Variants in CDC25B observed in about 807,000 individuals in gnomAD.
CDC25B encodes the protein cell division cycle 25B.
A neutral mutation model predicts 69.8 loss-of-function variants in CDC25B; 33 were observed. The ratio of observed to expected loss-of-function variants is 0.47; its 90% CI spans 0.36 to 0.63. CDC25B has a LOEUF of 0.63. Ranked by LOEUF, CDC25B falls within the 30% of genes least tolerant of loss-of-function variation. The pLI is 0.00. For synonymous variants in CDC25B, 341 were observed against 314.6 expected (o/e 1.08, Z -0.89); for missense variants, 727 against 809.1 (o/e 0.90, Z 1.23).
rs35316200 is a variant in CDC25B, at chr20:3,799,525, T to TGCGCGC, written c.381-755_381-750dup. 2.5e-3 allele frequency among the ~76,000 whole-genome samples: 172 copies of TGCGCGC among 68,756 alleles called. No homozygotes were observed. In the Middle Eastern group the frequency reaches 0.031, roughly 12 times the overall value. The allele number at this position is 68,756 out of a possible 152,430, so 45.1% of individuals were successfully genotyped here. A position where few individuals can be genotyped will look rare whatever the true frequency, so the allele number is the denominator to read the frequency against. ...GTGTGTGTGTGTGTGTGTGTGTGTG[T>TGCGCGC]GCGCGCGCGCGCGTAGATGCACAAA... On this transcript the variant is annotated intron_variant, in intron 3 of 15. Transcript: ENST00000245960.
Position 3,804,561 on chromosome 20 carries a change from C to A in CDC25B, c.1491-8C>A, listed in dbSNP as rs573174552. ...CACTCTGACCACACCCTGCCCATGA[C>A]GCCCCAGGTGCCGTTTCATCAGGGA... On this transcript the variant is annotated splice_region_variant and splice_polypyrimidine_tract_variant and intron_variant, in intron 14 of 15. Coordinates refer to ENST00000245960, the MANE Select transcript of CDC25B (RefSeq NM_021873.4). 3 of 1,594,502 alleles carry A rather than the reference C, an allele frequency of 1.9e-6. No individual in the cohort carries two copies. The highest frequency in any genetic ancestry group is 2.6e-6 in the Non-Finnish European group (3 of 1,162,364).
chr20:3,801,558 GGCTGGT>G (rs2089284228), intron 8 of CDC25B, 158 bp from the exon 9 acceptor site: 1 of 1,066,400 alleles, frequency 9.4e-7, no homozygotes, highest in African/African-American at 1.6e-5. Flanking sequence ...AAGAACAGGT[GGCTGGT>G]GCCACAGTGG....
chr20:3,803,552 CGCCCAGCCAGCTAGTGTCT>C lies in CDC25B; in HGVS notation c.1490+20_1490+38del. Reference sequence around the variant, plus strand: ...GGGCCCCGCATGTGAGTCCCAGCTCCGCCCAGCCAGCTAGTGTCTGCCCTGGCCTTCCCTGCCCAGGCTC... The same window carrying C: ...GGGCCCCGCATGTGAGTCCCAGCTCCGCCCTGGCCTTCCCTGCCCAGGCTC... On this transcript the variant is annotated intron_variant, in intron 14 of 15. Transcript: ENST00000245960. The surrounding 1 kb of genome is among the most constrained non-coding windows in gnomAD (Gnocchi z 4.9). The C allele has an allele frequency of 6.2e-7, 1 of 1,613,762 alleles. No homozygotes were observed. The highest frequency in any genetic ancestry group is 8.5e-7 in the Non-Finnish European group (1 of 1,179,964).
chr20:3,796,363 C>T lies in CDC25B; in HGVS notation c.-169C>T. 1 of 1,287,506 alleles carries T rather than the reference C, an allele frequency of 7.8e-7. No homozygotes were observed. Among genetic ancestry groups the T allele is most frequent in the Non-Finnish European group, 9.8e-7 (1 of 1,017,002 alleles). The allele number at this position is 1,287,506 out of a possible 1,614,324, so 79.8% of individuals were successfully genotyped here. A position where few individuals can be genotyped will look rare whatever the true frequency, so the allele number is the denominator to read the frequency against. Reference sequence around the variant, plus strand: ...CGGCGTCCCTCGCCCCCCGCCCTCCCCGCATCCCTCTCCTCCCTCGCGCCT... The same window carrying T: ...CGGCGTCCCTCGCCCCCCGCCCTCCTCGCATCCCTCTCCTCCCTCGCGCCT... On this transcript the variant is annotated 5_prime_UTR_variant, in exon 1 of 16. Transcript: ENST00000245960.
At chr20:3,796,786 T>C in intron 1 of CDC25B, 55 bp downstream of exon 1, 2 of 1,507,224 alleles carry the variant, frequency 1.3e-6, no homozygotes, top group South Asian at 2.5e-5. Context: ...TCTGGAGTCC[T>C]GGGCCTCCTG....
chr20:3,796,236 C>T (rs892236097), upstream of CDC25B: 2 of 1,300,312 alleles, frequency 1.5e-6, no homozygotes, highest in African/African-American at 1.6e-5. Context: ...CCCGCTACCC[C>T]ATTGGTGGCG....
chr20:3,793,919 G>T (rs1236677000), upstream of CDC25B, among the ~76,000 whole-genome samples: 6 of 150,552 alleles, frequency 4.0e-5, no homozygotes, highest in Non-Finnish European at 7.4e-5. Context: ...CCCTACAAAG[G>T]ACATGAACTC....
At position 3,800,280 on chromosome 20, in the gene CDC25B, T is replaced by A. The variant is rs1270636615; in HGVS notation, c.381-8T>A. ...GCATGGGTTGCATGGGACCCTTCTC[T>A]GTCCTAGGTTTGAACAGGCCATCCA... On this transcript the variant is annotated splice_region_variant and splice_polypyrimidine_tract_variant and intron_variant, in intron 3 of 15. Coordinates refer to ENST00000245960, the MANE Select transcript of CDC25B (RefSeq NM_021873.4). 8 of 1,614,006 alleles carry A rather than the reference T, an allele frequency of 5.0e-6. No homozygotes were observed. The highest frequency in any genetic ancestry group is 1.7e-4 in the Middle Eastern group (1 of 6,060).
At chr20:3,787,139 G>A (rs2088839263) in exon 1 of CDC25B, 3 of 666,852 alleles carry the variant, frequency 4.5e-6, no homozygotes, top group East Asian at 2.8e-5. Flanking sequence ...GAGATGCACA[G>A]GTAACATTTT....
At position 3,786,951 on chromosome 20, in the gene CDC25B, G is replaced by C; in HGVS notation, c.-181G>C. 9 of 475,522 alleles carry C rather than the reference G, an allele frequency of 1.9e-5. No individual in the cohort carries two copies. In the South Asian group the frequency reaches 2.5e-4, roughly 13 times the overall value. 29.5% of individuals were successfully genotyped at this position (475,522 alleles called of 1,614,324 possible). A position where few individuals can be genotyped will look rare whatever the true frequency, so the allele number is the denominator to read the frequency against. ...CCGGCGACCCGGCAGCGACGCGGGCGGGGACGCGGTGCATCGCTACTGCGC... is the reference window on the plus strand; with the variant it reads ...CCGGCGACCCGGCAGCGACGCGGGCCGGGACGCGGTGCATCGCTACTGCGC... On this transcript the variant is annotated 5_prime_UTR_variant, in exon 1 of 16. Transcript: ENST00000344256.
chr20:3,792,497 T>C (rs1178366578), upstream of CDC25B, among the ~76,000 whole-genome samples: 3 of 152,070 alleles, frequency 2.0e-5, no homozygotes, highest in Non-Finnish European at 4.4e-5. Flanking sequence ...GACGGAGTCT[T>C]GCTCTTTTCG....
At position 3,800,225 on chromosome 20, in the gene CDC25B, G is replaced by T. The variant is rs566971823; in HGVS notation, c.381-63G>T. On this transcript the variant is annotated intron_variant, in intron 3 of 15. Coordinates refer to ENST00000245960, the MANE Select transcript of CDC25B (RefSeq NM_021873.4). ...TACTCCCCCCTGGACTGGGGGCCTG[G>T]TGCTGGGGTGGGTGATGGGTGCGGA... The T allele has an allele frequency of 1.4e-4, 215 of 1,541,310 alleles. No individual in the cohort carries two copies. In the South Asian group the frequency reaches 2.3e-3, roughly 16 times the overall value.
intron 3 of CDC25B, among the ~76,000 whole-genome samples, chr20:3,798,991 T>C (rs2089167131): frequency 6.6e-6 from 1 of 152,126 alleles, no homozygotes; most frequent in Non-Finnish European, 1.5e-5. Context: ...TGCAAGGGAA[T>C]GGAGAGAGAG....
At chr20:3,799,652 G>A (rs1406922249) in intron 3 of CDC25B, among the ~76,000 whole-genome samples, 5 of 152,200 alleles carry the variant, frequency 3.3e-5, no homozygotes, top group African/African-American at 1.2e-4. Flanking sequence ...TTCTAAGGCA[G>A]GAGGAGGGGG....
chr20:3,803,450 T>C lies in CDC25B; in HGVS notation c.1403T>C (p.Leu468Pro). Residue 468 changes from leucine to proline, a missense_variant, in exon 14 of 16, where the codon CTG (leucine) becomes CCG (proline). This residue lies in a region of CDC25B where 359 missense variants were observed against 463.4 expected (regional missense o/e 0.77). Transcript: ENST00000245960. The surrounding 1 kb of genome is among the most constrained non-coding windows in gnomAD (Gnocchi z 4.9). ...PLERDAESFL[L>P]KSPIAPCSLD... ...GAACGCGACGCCGAGAGCTTCCTAC[T>C]GAAGAGCCCCATCGCGCCCTGTAGC... The C allele has an allele frequency of 1.2e-6, 2 of 1,614,046 alleles. No individual in the cohort carries two copies. Among genetic ancestry groups the C allele is most frequent in the Non-Finnish European group, 1.7e-6 (2 of 1,179,960 alleles).
chr20:3,802,015 G>C lies in CDC25B; in HGVS notation c.1013G>C (p.Arg338Pro). 4 of 1,596,314 alleles carry C rather than the reference G, an allele frequency of 2.5e-6. No homozygotes were observed. The highest frequency in any genetic ancestry group is 3.4e-6 in the Non-Finnish European group (4 of 1,171,960). Residue 338 changes from arginine to proline, a missense_variant, in exon 10 of 16, where the codon CGG (arginine) becomes CCG (proline). Coordinates refer to ENST00000245960, the MANE Select transcript of CDC25B (RefSeq NM_021873.4). ...CGGCCCATCCTCAAGAGGCTGGAGC[G>C]GCCCCAGGACAGGGACACGCCCGTG... ...VIRPILKRLE[R>P]PQDRDTPVQN...
At position 3,797,748 on chromosome 20, in the gene CDC25B, A is replaced by G. The variant is rs781555090; in HGVS notation, c.327A>G (p.Ala109=). The change falls in exon 2 of 16, where the codon GCA becomes GCG. Residue 109 remains alanine, a splice_region_variant and synonymous_variant. Coordinates refer to ENST00000245960, the MANE Select transcript of CDC25B (RefSeq NM_021873.4). ...CTGAATCCTCCGAATCTTCTGATGC[A>G]GGTGAGGCCCAGGGGAGCCTGGGGA... ...LSSESSESSD[A]GLCMDSPSPM... is the part of the protein sequence containing the mutation. 91 of 1,613,754 alleles carry G rather than the reference A, an allele frequency of 5.6e-5. No individual in the cohort carries two copies. The highest frequency in any genetic ancestry group is 7.6e-5 in the Non-Finnish European group (90 of 1,180,010).
Position 3,805,890 on chromosome 20 carries a change from A to G in CDC25B, c.*929A>G. 1 of 403,686 alleles carries G rather than the reference A, an allele frequency of 2.5e-6. No homozygotes were observed. Among genetic ancestry groups the G allele is most frequent in the Non-Finnish European group, 4.4e-6 (1 of 227,730 alleles). The allele number at this position is 403,686 out of a possible 1,614,324, so 25.0% of individuals were successfully genotyped here. A position where few individuals can be genotyped will look rare whatever the true frequency, so the allele number is the denominator to read the frequency against. On this transcript the variant is annotated 3_prime_UTR_variant, in exon 16 of 16. Coordinates refer to ENST00000245960, the MANE Select transcript of CDC25B (RefSeq NM_021873.4). ...ACCAGGTGGGAGCGTTTTGTTGAGC[A>G]TGACAGCCTGCAGCAGGAATATATG...
intron 7 of CDC25B, 47 bp from the exon 8 acceptor site, chr20:3,801,207 G>A (rs1476356776): frequency 8.1e-6 from 13 of 1,605,142 alleles, no homozygotes; most frequent in African/African-American, 1.3e-5. Flanking sequence ...GATGGGGGCG[G>A]GAACTATCTC....
Sources: allele counts gnomAD v4.1 joint callset (sites outside exome capture counted in the v4.1 genomes callset), GRCh38; gene constraint gnomAD v4.1.1; regional missense constraint gnomAD v4.1.1; non-coding constraint Gnocchi (gnomAD v3.1); transcripts MANE v1.5; gene names NCBI Gene and HGNC (gene_info 2026-07-23, HGNC 2026-07-21).